The following STAMBPL1 variants were observed in gnomAD, a reference collection of about 807,000 sequenced individuals.
The protein encoded by STAMBPL1 is STAM binding protein like 1, also known as AMSH-like protease.
Under a neutral mutation model 52.9 loss-of-function variants are expected in STAMBPL1, and 44 were observed. That is an observed-to-expected ratio of 0.83 (90% confidence interval 0.65 to 1.07). The LOEUF is 1.07. Among genes scored for constraint, STAMBPL1 ranks in the 50% least tolerant of loss-of-function variants. The probability of loss-of-function intolerance (pLI) is 0.00; values close to 1 mark genes in which losing one functional copy is unlikely to be tolerated. For synonymous variants in STAMBPL1, 164 were observed against 177.3 expected (o/e 0.92, Z 0.60); for missense variants, 511 against 520.8 (o/e 0.98, Z 0.18).
At chr10:88,888,552 G>A (rs540802418) in intron 1 of STAMBPL1, among the ~76,000 whole-genome samples, 4 of 152,126 alleles carry the variant, frequency 2.6e-5, no homozygotes, top group Non-Finnish European at 5.9e-5. Context: ...ATAGCTTTTT[G>A]GTAAATTGCT....
At chr10:88,921,669 T>C in intron 9 of STAMBPL1, among the ~76,000 whole-genome samples, 1 of 152,236 alleles carries the variant, frequency 6.6e-6, no homozygotes, top group East Asian at 1.9e-4. Context: ...TTTTTAGGAC[T>C]TATTTCTACT....
At chr10:88,908,659 T>A in intron 3 of STAMBPL1, 43 bp from the exon 4 acceptor site, 1 of 1,516,462 alleles carries the variant, frequency 6.6e-7, no homozygotes, top group Non-Finnish European at 9.1e-7. Flanking sequence ...TTATTGAACT[T>A]TTGCTGTCAC....
chr10:88,884,034 A>G (rs1844469933), intron 1 of STAMBPL1, among the ~76,000 whole-genome samples: 1 of 152,204 alleles, frequency 6.6e-6, no homozygotes, highest in African/African-American at 2.4e-5. Flanking sequence ...CTAGTGGGTA[A>G]TAATAATGCA....
At position 88,913,177 on chromosome 10, in the gene STAMBPL1, A is replaced by G; in HGVS notation, c.497A>G (p.Gln166Arg). Residue 166 changes from glutamine (Q) to arginine (R), a missense_variant, in exon 6 of 11, where the codon CAG (glutamine) becomes CGG (arginine). Coordinates refer to ENST00000371926, the MANE Select transcript of STAMBPL1 (RefSeq NM_020799.4). ...LIEAERKRIAQMRQQQLESEQ... is the reference protein window; with the variant it reads ...LIEAERKRIARMRQQQLESEQ... The stretch of plus-strand genomic sequence containing the variant: ...GAGGCAGAAAGGAAGCGGATTGCTC[A>G]GATGCGCCAGCAGCAGCTAGAATCG... The G allele has an allele frequency of 6.2e-7, 1 of 1,613,822 alleles. No individual in the cohort carries two copies. Among genetic ancestry groups the G allele is most frequent in the Non-Finnish European group, 8.5e-7 (1 of 1,179,816 alleles).
At chr10:88,902,770 C>G (rs1022282904) in intron 2 of STAMBPL1, among the ~76,000 whole-genome samples, 1 of 152,064 alleles carries the variant, frequency 6.6e-6, no homozygotes, top group African/African-American at 2.4e-5. Context: ...CAGGTTTCAC[C>G]GTGTTAGCCA....
chr10:88,906,658 A>G (rs1845082503), intron 3 of STAMBPL1, among the ~76,000 whole-genome samples: 1 of 152,222 alleles, frequency 6.6e-6, no homozygotes, highest in African/African-American at 2.4e-5. Context: ...GGCTGAGTGC[A>G]GTGGCACAAT....
intron 1 of STAMBPL1, among the ~76,000 whole-genome samples, chr10:88,887,639 C>T (rs1223942373): frequency 6.6e-6 from 1 of 152,182 alleles, no homozygotes; most frequent in Non-Finnish European, 1.5e-5. Flanking sequence ...AGCGATTAGC[C>T]TTCTAAGTAG....
rs1413308807 is a variant in STAMBPL1 at position 88,923,487 on chromosome 10, A to G, written c.*263A>G. ...CAGATAATAAATTGTGCTGCAAACAACATGTCTTGTATTTATAGAGGTCTC... is the reference window on the plus strand; with the variant it reads ...CAGATAATAAATTGTGCTGCAAACAGCATGTCTTGTATTTATAGAGGTCTC... On this transcript the variant is annotated 3_prime_UTR_variant, in exon 11 of 11. Transcript: ENST00000371926. 1 of 1,179,720 alleles carries G rather than the reference A, an allele frequency of 8.5e-7. No homozygotes were observed. Among genetic ancestry groups the G allele is most frequent in the African/African-American group, 1.6e-5 (1 of 62,754 alleles). The allele number at this position is 1,179,720 out of a possible 1,614,324, so 73.1% of individuals were successfully genotyped here.
rs566262078 is a variant in STAMBPL1, at chr10:88,902,366, G to A, written c.30+628G>A. Among the ~76,000 whole-genome samples, 10 of 152,236 alleles carry A rather than the reference G, an allele frequency of 6.6e-5. No individual in the cohort carries two copies. The South Asian group carries it at 2.1e-3, about 32-fold the overall frequency. ...GGAAACAATATTTTTGATGGTCCTA[G>A]CCTACCAGGATGGTACGATAAATGG... On this transcript the variant is annotated intron_variant, in intron 2 of 10. Transcript: ENST00000371926.
intron 1 of STAMBPL1, among the ~76,000 whole-genome samples, chr10:88,891,680 A>G (rs183393441): frequency 2.5e-4 from 38 of 152,322 alleles, no homozygotes; most frequent in African/African-American, 9.1e-4. Flanking sequence ...TGCCAAAAAA[A>G]TGCATAACTC....
At chr10:88,912,951 G>GT (rs1845264245) in intron 5 of STAMBPL1, 150 bp from the exon 6 acceptor site, 1 of 709,048 alleles carries the variant, frequency 1.4e-6, no homozygotes, top group South Asian at 1.8e-5. Context: ...CTGATGTTAT[G>GT]TATTTCTCTC....
chr10:88,886,555 A>G, intron 1 of STAMBPL1, among the ~76,000 whole-genome samples: 1 of 152,152 alleles, frequency 6.6e-6, no homozygotes, highest in East Asian at 1.9e-4. Flanking sequence ...ATGCTTAGGT[A>G]TAGTGGCATC....
chr10:88,891,504 A>G (rs1844683023), intron 1 of STAMBPL1, among the ~76,000 whole-genome samples: 2 of 152,350 alleles, frequency 1.3e-5, no homozygotes, highest in Admixed American at 1.3e-4. Flanking sequence ...TAGTTTCCCT[A>G]CAAGATACTT....
chr10:88,902,483 A>T (rs1450618404), intron 2 of STAMBPL1, among the ~76,000 whole-genome samples: 1 of 152,190 alleles, frequency 6.6e-6, no homozygotes, highest in African/African-American at 2.4e-5. Flanking sequence ...GCAGTATACT[A>T]AATACCCTGT....
At chr10:88,881,098 G>A (rs1844394592) in intron 1 of STAMBPL1, among the ~76,000 whole-genome samples, 1 of 152,130 alleles carries the variant, frequency 6.6e-6, no homozygotes, top group African/African-American at 2.4e-5. Context: ...CCTTTACCCC[G>A]GCCGAGCAGG....
At chr10:88,899,131 C>T (rs140372533) in intron 1 of STAMBPL1, among the ~76,000 whole-genome samples, 160 of 152,320 alleles carry the variant, frequency 1.1e-3, no homozygotes, top group African/African-American at 3.6e-3. Flanking sequence ...AGCTTCCAAA[C>T]CTGATTTCTC....
At position 88,914,629 on chromosome 10, in the gene STAMBPL1, G is replaced by A; in HGVS notation, c.874G>A (p.Glu292Lys). The change falls in exon 7 of 11, where the codon GAA (glutamate) becomes AAA (lysine). Residue 292 changes from glutamate (E) to lysine (K), a missense_variant. Physicochemically the swap from Glu to Lys is moderately conservative, Grantham distance 56 (BLOSUM62 1). Transcript: ENST00000371926. Reference protein sequence around the residue: ...LAESNTVRGIETCGILCGKLT... With the variant: ...LAESNTVRGIKTCGILCGKLT... Reference sequence around the variant, plus strand: ...AGAATCTAATACAGTGAGAGGAATAGAAACCTGTGGAATACTCTGTGGAAA... The same window carrying A: ...AGAATCTAATACAGTGAGAGGAATAAAAACCTGTGGAATACTCTGTGGAAA... 1 of 1,457,780 alleles carries A rather than the reference G, an allele frequency of 6.9e-7. No homozygotes were observed. Among genetic ancestry groups the A allele is most frequent in the South Asian group, 1.6e-5 (1 of 62,410 alleles). 90.3% of individuals were successfully genotyped at this position (1,457,780 alleles called of 1,614,324 possible). A position where few individuals can be genotyped will look rare whatever the true frequency, so the allele number is the denominator to read the frequency against.
intron 1 of STAMBPL1, among the ~76,000 whole-genome samples, chr10:88,895,837 A>G (rs1312407100): frequency 6.6e-6 from 1 of 152,254 alleles, no homozygotes; most frequent in Non-Finnish European, 1.5e-5. Context: ...TTTGTATTAC[A>G]CTATGCAAAA....
In STAMBPL1 at chr10:88,914,603, C is replaced by A; in HGVS notation, c.848C>A (p.Ala283Glu). The change falls in exon 7 of 11, where the codon GCA becomes GAA. Residue 283 changes from alanine (A) to glutamate (E), a missense_variant. Physicochemically the swap from Ala to Glu is moderately radical, Grantham distance 107. Transcript: ENST00000371926. ...CTTTGCCACAAATTTCTGCAACTGG[C>A]AGAATCTAATACAGTGAGAGGAATA... ...EDLCHKFLQL[A>E]ESNTVRGIET... 6.5e-7 allele frequency: 1 copy of A among 1,537,492 alleles called. No homozygotes were observed. Among genetic ancestry groups the A allele is most frequent in the East Asian group, 2.5e-5 (1 of 39,878 alleles).
Sources: allele counts gnomAD v4.1 joint callset (sites outside exome capture counted in the v4.1 genomes callset), GRCh38; gene constraint gnomAD v4.1.1; transcripts MANE v1.5; gene names NCBI Gene and HGNC (gene_info 2026-07-23, HGNC 2026-07-21).